INSIG2: variants seen among roughly 807,000 people sequenced by gnomAD.
INSIG2 encodes the protein insulin induced gene 2.
A neutral mutation model predicts 27.2 loss-of-function variants in INSIG2; 10 were observed. The observed-to-expected ratio is 0.37, with a 90% CI of 0.23 to 0.62. The LOEUF (loss-of-function observed/expected upper bound fraction) is 0.62, where lower values mean the gene tolerates loss of function less well. INSIG2 is among the 20% of genes least tolerant of loss of function. The pLI, the probability that INSIG2 is intolerant of heterozygous loss-of-function variation, is 0.65. For synonymous variants in INSIG2, 97 were observed against 95.8 expected (o/e 1.01, Z -0.07); for missense variants, 178 against 270.2 (o/e 0.66, Z 2.39).
At chr2:118,096,082 C>G (rs928628550) in intron 1 of INSIG2, among the ~76,000 whole-genome samples, 11 of 152,108 alleles carry the variant, frequency 7.2e-5, no homozygotes, top group African/African-American at 2.7e-4. Flanking sequence ...GTTTTACCCT[C>G]CAGATTCTAG....
intron 3 of INSIG2, among the ~76,000 whole-genome samples, chr2:118,105,202 G>A (rs1040270879): frequency 4.6e-5 from 7 of 151,044 alleles, no homozygotes; most frequent in East Asian, 3.9e-4. Flanking sequence ...CACCACACCC[G>A]GTGAATTTTT....
At chr2:118,098,702 A>G (rs1678469556) in intron 2 of INSIG2, among the ~76,000 whole-genome samples, 1 of 152,170 alleles carries the variant, frequency 6.6e-6, no homozygotes, top group Admixed American at 6.5e-5. Flanking sequence ...TGCCCCTTTA[A>G]TGTCAGCACT....
intron 1 of INSIG2, among the ~76,000 whole-genome samples, chr2:118,088,974 TGTC>T (rs927015039): frequency 2.0e-5 from 3 of 152,158 alleles, no homozygotes; most frequent in African/African-American, 7.2e-5. Flanking sequence ...GAAGACAGGT[TGTC>T]GTAGTAAGTT....
At position 118,096,706 on chromosome 2, in the gene INSIG2, G is replaced by T; in HGVS notation, c.150G>T (p.Gln50His). 1 of 1,614,034 alleles carries T rather than the reference G, an allele frequency of 6.2e-7. No homozygotes were observed. Among genetic ancestry groups the T allele is most frequent in the East Asian group, 2.2e-5 (1 of 44,870 alleles). Residue 50 changes from glutamine (Q) to histidine (H), a missense_variant, in exon 2 of 6, where the codon CAG becomes CAT. Gln to His is a conservative substitution (Grantham distance 24). Coordinates refer to ENST00000245787, the MANE Select transcript of INSIG2 (RefSeq NM_016133.4). Reference protein sequence around the residue: ...VFLALVLNLLQIQRNVTLFPP... With the variant: ...VFLALVLNLLHIQRNVTLFPP... ...TTGCATTAGTGTTAAATTTACTTCAGATTCAGAGAAATGTGACGCTCTTTC... is the reference window on the plus strand; with the variant it reads ...TTGCATTAGTGTTAAATTTACTTCATATTCAGAGAAATGTGACGCTCTTTC...
chr2:118,103,050 G>A (rs144619569), intron 2 of INSIG2, 147 bp from the exon 3 acceptor site: 288 of 662,028 alleles, frequency 4.4e-4, no homozygotes, highest in African/African-American at 4.3e-3. Context: ...AAAAAATATC[G>A]GTGATTGATG....
At chr2:118,097,493 G>A (rs1678439774) in intron 2 of INSIG2, among the ~76,000 whole-genome samples, 2 of 152,032 alleles carry the variant, frequency 1.3e-5, no homozygotes, top group Non-Finnish European at 2.9e-5. Context: ...CATCTATAAG[G>A]TAGACTCTCT....
In INSIG2 at chr2:118,107,184, G is replaced by A. The variant is rs1320109511; in HGVS notation, c.631G>A (p.Ala211Thr). The A allele has an allele frequency of 1.2e-6, 2 of 1,601,168 alleles. No homozygotes were observed. The highest frequency in any genetic ancestry group is 1.7e-6 in the Non-Finnish European group (2 of 1,168,780). Residue 211 changes from alanine (A) to threonine (T), a missense_variant, in exon 5 of 6, where the codon GCA becomes ACA. Physicochemically the swap from Ala to Thr is moderately conservative, Grantham distance 58. Transcript: ENST00000245787. ...AATGGGAAACATTGGTCGACAACTG[G>A]CAATGGTAAGCTGATGCTCACTTTT... ...ITMGNIGRQL[A>T]MYECKVIAEK...
At chr2:118,094,646 A>C (rs2104525180) in intron 1 of INSIG2, among the ~76,000 whole-genome samples, 1 of 152,310 alleles carries the variant, frequency 6.6e-6, no homozygotes, top group South Asian at 2.1e-4. Flanking sequence ...TGGGAACAGA[A>C]TTTCCTCTTG....
At chr2:118,098,006 G>A (rs1329323830) in intron 2 of INSIG2, among the ~76,000 whole-genome samples, 1 of 152,154 alleles carries the variant, frequency 6.6e-6, no homozygotes, top group African/African-American at 2.4e-5. Context: ...TAAAAGTGAA[G>A]TCATGAAGGC....
intron 3 of INSIG2, among the ~76,000 whole-genome samples, chr2:118,106,159 A>G (rs1678666523): frequency 6.6e-6 from 1 of 152,230 alleles, no homozygotes; most frequent in Non-Finnish European, 1.5e-5. Context: ...AACAGTTGAC[A>G]TAATAGAAAG....
chr2:118,090,170 T>C (rs1362499040), intron 1 of INSIG2, among the ~76,000 whole-genome samples: 2 of 152,234 alleles, frequency 1.3e-5, no homozygotes, highest in African/African-American at 4.8e-5. Flanking sequence ...GAAAAATATG[T>C]GAGGTAGTAA....
chr2:118,108,335 AT>A lies in INSIG2; in HGVS notation c.*14del, dbSNP rs1678726222. Reference sequence around the variant, plus strand: ...TCATCAGGAATGAAGAAGGCAAAAAATATCTTTTGTACAGAAAAGCAAGATG... The same window carrying A: ...TCATCAGGAATGAAGAAGGCAAAAAAATCTTTTGTACAGAAAAGCAAGATG... On this transcript the variant is annotated 3_prime_UTR_variant, in exon 6 of 6. Coordinates refer to ENST00000245787, the MANE Select transcript of INSIG2 (RefSeq NM_016133.4). 7 of 1,588,400 alleles carry A rather than the reference AT, an allele frequency of 4.4e-6. No individual in the cohort carries two copies. Among genetic ancestry groups the A allele is most frequent in the African/African-American group, 1.3e-5 (1 of 74,134 alleles).
intron 2 of INSIG2, chr2:118,102,454 T>C (rs911269829): frequency 2.0e-5 from 3 of 152,248 alleles, no homozygotes; most frequent in Admixed American, 6.5e-5. Flanking sequence ...CTTCTAACAG[T>C]GCACTTAAAA....
chr2:118,101,207 GGAAA>G (rs1573574485), intron 2 of INSIG2, among the ~76,000 whole-genome samples: 4 of 152,124 alleles, frequency 2.6e-5, no homozygotes, highest in African/African-American at 7.2e-5. Context: ...TTTATTTAAA[GGAAA>G]GAAAGAAGAC....
chr2:118,109,453 C>T lies in INSIG2; in HGVS notation c.*1131C>T, dbSNP rs1678759882. ...TAAGAGTGTATTGAGATGGCATTCT[C>T]TGCATGTTAAAGATCTTAATGGCAA... is the stretch of plus-strand genomic sequence containing the variant. On this transcript the variant is annotated 3_prime_UTR_variant, in exon 6 of 6. Coordinates refer to ENST00000245787, the MANE Select transcript of INSIG2 (RefSeq NM_016133.4). The T allele has an allele frequency of 6.6e-6, 1 of 152,124 alleles. No homozygotes were observed. The highest frequency in any genetic ancestry group is 2.4e-5 in the African/African-American group (1 of 41,420). The allele number at this position is 152,124 out of a possible 1,614,324, so 9.4% of individuals were successfully genotyped here.
intron 2 of INSIG2, 125 bp from the exon 3 acceptor site, chr2:118,103,072 T>C: frequency 2.2e-6 from 2 of 910,764 alleles, no homozygotes; most frequent in Non-Finnish European, 3.2e-6. Context: ...GAAATAACTT[T>C]TTTTTTTGTT....
chr2:118,091,086 G>A (rs1042513761), intron 1 of INSIG2, among the ~76,000 whole-genome samples: 1 of 152,098 alleles, frequency 6.6e-6, no homozygotes, highest in African/African-American at 2.4e-5. Context: ...TATCATTAAT[G>A]TAAGACTAAT....
intron 2 of INSIG2, among the ~76,000 whole-genome samples, chr2:118,101,763 G>A (rs1463905715): frequency 1.3e-5 from 2 of 152,186 alleles, no homozygotes; most frequent in Non-Finnish European, 2.9e-5. Context: ...GGAATATAGT[G>A]TGAAACTTCT....
intron 3 of INSIG2, 34 bp from the exon 4 acceptor site, chr2:118,106,703 A>G: frequency 6.3e-7 from 1 of 1,581,952 alleles, no homozygotes; most frequent in African/African-American, 1.3e-5. Flanking sequence ...ATTTGGTTAC[A>G]ACTTTTAAGA....
Sources: allele counts gnomAD v4.1 joint callset (sites outside exome capture counted in the v4.1 genomes callset), GRCh38; gene constraint gnomAD v4.1.1; transcripts MANE v1.5; gene names NCBI Gene and HGNC (gene_info 2026-07-23, HGNC 2026-07-21).